Variants in GRIA1 observed in about 807,000 individuals in gnomAD.
GRIA1 encodes glutamate receptor 1.
A neutral mutation model predicts 99.2 loss-of-function variants in GRIA1; 31 were observed. The ratio of observed to expected loss-of-function variants is 0.31; its 90% CI spans 0.23 to 0.42. The LOEUF is 0.42. Ranked by LOEUF, GRIA1 falls within the 10% of genes least tolerant of loss-of-function variation. The pLI is 1.00. For synonymous variants in GRIA1, 438 were observed against 432.4 expected (o/e 1.01, Z -0.16); for missense variants, 782 against 1,157.5 (o/e 0.68, Z 4.71).
At chr5:153,772,060 T>C (rs1238445290) in intron 13 of GRIA1, among the ~76,000 whole-genome samples, 1 of 152,196 alleles carries the variant, frequency 6.6e-6, no homozygotes, top group Non-Finnish European at 1.5e-5. Context: ...AAAGAAATTT[T>C]CTGGAATTTA....
intron 2 of GRIA1, among the ~76,000 whole-genome samples, chr5:153,646,384 G>C (rs1047560631): frequency 1.3e-5 from 2 of 152,192 alleles, no homozygotes; most frequent in African/African-American, 4.8e-5. Context: ...TTTATGCTTT[G>C]CCTTTAATTG....
At chr5:153,495,109 A>G (rs1355742199) in intron 2 of GRIA1, among the ~76,000 whole-genome samples, 6 of 152,358 alleles carry the variant, frequency 3.9e-5, no homozygotes, top group African/African-American at 1.4e-4. Context: ...TTTCTATCCC[A>G]AAGACCACTC....
chr5:153,608,367 A>G (rs1037155251), intron 2 of GRIA1, among the ~76,000 whole-genome samples: 3 of 152,056 alleles, frequency 2.0e-5, no homozygotes, highest in African/African-American at 4.8e-5. Context: ...TTTTCACTTT[A>G]TGAAATTTCA....
intron 2 of GRIA1, among the ~76,000 whole-genome samples, chr5:153,584,729 G>A (rs933045468): frequency 3.3e-5 from 5 of 152,126 alleles, no homozygotes; most frequent in African/African-American, 9.7e-5. Flanking sequence ...TTATGCCATT[G>A]TACAAGGCAG....
intron 7 of GRIA1, among the ~76,000 whole-genome samples, chr5:153,680,092 A>T (rs1295664678): frequency 6.6e-6 from 1 of 152,128 alleles, no homozygotes; most frequent in African/African-American, 2.4e-5. Flanking sequence ...TGGGACTCCA[A>T]ACCACATTTA....
At chr5:153,510,692 A>C (rs1397495206) in intron 2 of GRIA1, among the ~76,000 whole-genome samples, 1 of 152,214 alleles carries the variant, frequency 6.6e-6, no homozygotes, top group Non-Finnish European at 1.5e-5. Context: ...TTTAAGTTGC[A>C]TTGTTGATAT....
At chr5:153,560,188 G>C (rs939291782) in intron 2 of GRIA1, among the ~76,000 whole-genome samples, 2 of 152,126 alleles carry the variant, frequency 1.3e-5, no homozygotes, top group African/African-American at 2.4e-5. Context: ...ATGAAATAAA[G>C]GATGTAGGAA....
intron 2 of GRIA1, among the ~76,000 whole-genome samples, chr5:153,556,673 G>A (rs898124581): frequency 9.9e-5 from 15 of 152,006 alleles, no homozygotes; most frequent in South Asian, 2.1e-4. Flanking sequence ...TAGATATTTC[G>A]AAAGGCCCTT....
chr5:153,575,272 T>C (rs1322750766), intron 2 of GRIA1, among the ~76,000 whole-genome samples: 3 of 151,898 alleles, frequency 2.0e-5, no homozygotes, highest in African/African-American at 7.3e-5. Context: ...AGAGTGGTCC[T>C]CATGAAAGCC....
At chr5:153,592,992 G>A (rs956436825) in intron 2 of GRIA1, among the ~76,000 whole-genome samples, 2 of 152,158 alleles carry the variant, frequency 1.3e-5, no homozygotes, top group African/African-American at 2.4e-5. Flanking sequence ...ACTGCCAGGC[G>A]CAGTGGCTCA....
chr5:153,761,087 G>A (rs1763155016), intron 11 of GRIA1, among the ~76,000 whole-genome samples: 1 of 152,020 alleles, frequency 6.6e-6, no homozygotes, highest in Admixed American at 6.6e-5. Context: ...GATAAAAACA[G>A]GGGAAACGTT....
intron 11 of GRIA1, among the ~76,000 whole-genome samples, chr5:153,717,257 C>G (rs1443169795): frequency 6.6e-6 from 1 of 152,124 alleles, no homozygotes. Flanking sequence ...AGGAAAAATT[C>G]GTGTGGGCTA....
intron 10 of GRIA1, among the ~76,000 whole-genome samples, chr5:153,699,812 A>T (rs1581494511): frequency 6.6e-6 from 1 of 152,174 alleles, no homozygotes; most frequent in African/African-American, 2.4e-5. Context: ...TAAAATCTTC[A>T]ATAAATTACA....
chr5:153,526,245 G>A (rs1757583609), intron 2 of GRIA1, among the ~76,000 whole-genome samples: 1 of 152,148 alleles, frequency 6.6e-6, no homozygotes, highest in African/African-American at 2.4e-5. Context: ...TTGGGATTGG[G>A]AAAACTTCTA....
rs537065984 is a variant in GRIA1, at chr5:153,676,088, A to T, written c.862-906A>T. Among the ~76,000 whole-genome samples, 97 of 152,206 alleles carry T rather than the reference A, an allele frequency of 6.4e-4. 2 individuals carry two copies. The South Asian group carries it at 0.02, about 31-fold the overall frequency. ...TAGCCAGGATGGTCTTGATCTCCTG[A>T]CCTTGTGATCCACCCATCTCAGCCT... On this transcript the variant is annotated intron_variant, in intron 6 of 15. Transcript: ENST00000285900.
chr5:153,742,390 A>G (rs1240334849), intron 11 of GRIA1, among the ~76,000 whole-genome samples: 1 of 151,936 alleles, frequency 6.6e-6, no homozygotes. Flanking sequence ...ATTCTTATTC[A>G]TTTTCCATCA....
At chr5:153,558,978 G>A (rs2149350061) in intron 2 of GRIA1, among the ~76,000 whole-genome samples, 1 of 152,202 alleles carries the variant, frequency 6.6e-6, no homozygotes, top group East Asian at 1.9e-4. Context: ...GCCTGGCTTA[G>A]GAAAACAGGC....
chr5:153,591,477 C>T (rs779963940), intron 2 of GRIA1, among the ~76,000 whole-genome samples: 1 of 152,290 alleles, frequency 6.6e-6, no homozygotes, highest in East Asian at 1.9e-4. Context: ...ATTCATAATA[C>T]ATAAAATTCC....
intron 11 of GRIA1, among the ~76,000 whole-genome samples, chr5:153,757,567 G>A (rs1762915336): frequency 6.6e-6 from 1 of 152,146 alleles, no homozygotes; most frequent in African/African-American, 2.4e-5. Context: ...CAAATAACAT[G>A]TAAGAATCCC....
Sources: gnomAD v4.1 joint callset for allele counts (sites outside exome capture counted in the v4.1 genomes callset) on GRCh38, gnomAD v4.1.1 for gene constraint, MANE v1.5 for transcripts, NCBI Gene and HGNC (gene_info 2026-07-23, HGNC 2026-07-21) for gene names.